The following IPO11 variants were observed in gnomAD, a reference collection of about 807,000 sequenced individuals.
IPO11 encodes importin 11.
A neutral mutation model predicts 143.2 loss-of-function variants in IPO11; 66 were observed. The ratio of observed to expected loss-of-function variants is 0.46; its 90% CI spans 0.38 to 0.57. IPO11 has a LOEUF of 0.57. IPO11 is among the 20% of genes least tolerant of loss of function. The probability of loss-of-function intolerance (pLI) is 0.00; values close to 1 mark genes in which losing one functional copy is unlikely to be tolerated. For missense variants in IPO11, 1,026 were observed against 1,141.0 expected, an observed-to-expected ratio of 0.90 and a Z score of 1.45; for synonymous variants, 385 against 377.8, an observed-to-expected ratio of 1.02 and a Z score of -0.22.
At chr5:62,508,029 C>T (rs915703950) in intron 19 of IPO11, among the ~76,000 whole-genome samples, 2 of 152,092 alleles carry the variant, frequency 1.3e-5, no homozygotes, top group Non-Finnish European at 2.9e-5. Context: ...TCTGATCAAC[C>T]CTATCATTTT....
intron 1 of IPO11, among the ~76,000 whole-genome samples, chr5:62,427,305 C>T (rs1360237256): frequency 6.6e-6 from 1 of 152,070 alleles, no homozygotes; most frequent in African/African-American, 2.4e-5. Flanking sequence ...TTTGTAGGTC[C>T]TTTGAAACTC....
intron 27 of IPO11, among the ~76,000 whole-genome samples, chr5:62,581,810 A>G (rs1248133460): frequency 6.6e-6 from 1 of 152,216 alleles, no homozygotes; most frequent in East Asian, 1.9e-4. Context: ...TGGTTACTGC[A>G]CAGTGCGATG....
intron 29 of IPO11, among the ~76,000 whole-genome samples, chr5:62,620,255 C>T (rs931944872): frequency 3.3e-5 from 5 of 152,124 alleles, no homozygotes; most frequent in African/African-American, 1.2e-4. Flanking sequence ...CGCGATGCCT[C>T]ACGCCTGTAA....
chr5:62,500,589 CT>C (rs1741314744), intron 16 of IPO11, among the ~76,000 whole-genome samples: 1 of 152,146 alleles, frequency 6.6e-6, no homozygotes, highest in Non-Finnish European at 1.5e-5. Context: ...CCTTGAATTC[CT>C]GGGCTCAAGT....
At position 62,494,178 on chromosome 5, in the gene IPO11, A is replaced by G. The variant is rs189488729; in HGVS notation, c.1590+54A>G. ...TAGTTTTTAAAGTTTCATCTGTGCA[A>G]ATCATCAAGTTCACAACAGTTTATG... On this transcript the variant is annotated intron_variant, in intron 16 of 29. Coordinates refer to ENST00000325324, the MANE Select transcript of IPO11 (RefSeq NM_016338.5). The G allele has an allele frequency of 1.1e-5, 16 of 1,505,264 alleles. No individual in the cohort carries two copies. In the African/African-American group the frequency reaches 2.2e-4, roughly 21 times the overall value. 93.2% of individuals were successfully genotyped at this position (1,505,264 alleles called of 1,614,324 possible).
rs561374215 is a variant in IPO11, at chr5:62,580,893, A to G, written c.2583-10684A>G. 141 of 1,551,398 alleles carry G rather than the reference A, an allele frequency of 9.1e-5. 1 individual carries two copies. Among genetic ancestry groups the G allele is most frequent in the Middle Eastern group, 5.0e-4 (3 of 5,992 alleles). ...AGACTACAGCAGTGTTACCTGTGCA[A>G]ATACAACTTACTACTTCTGTTACCT... On this transcript the variant is annotated intron_variant, in intron 27 of 29. Coordinates refer to ENST00000325324, the MANE Select transcript of IPO11 (RefSeq NM_016338.5).
chr5:62,567,870 T>C (rs1016535363), intron 27 of IPO11, among the ~76,000 whole-genome samples: 5 of 151,476 alleles, frequency 3.3e-5, no homozygotes, highest in African/African-American at 7.3e-5. Flanking sequence ...CTACATTTGC[T>C]CTTTTGATGC....
intron 27 of IPO11, chr5:62,579,847 T>C: frequency 1.3e-6 from 2 of 1,548,578 alleles, no homozygotes; most frequent in Non-Finnish European, 1.7e-6. Context: ...TCTTCGTAAT[T>C]TATATTTACA....
intron 29 of IPO11, among the ~76,000 whole-genome samples, chr5:62,613,550 G>A (rs988298721): frequency 2.0e-5 from 3 of 151,812 alleles, no homozygotes; most frequent in East Asian, 1.9e-4. Flanking sequence ...CAATCGGCCC[G>A]CCTCAGCCTC....
intron 5 of IPO11, among the ~76,000 whole-genome samples, chr5:62,466,526 GAAAA>G (rs1279147462): frequency 6.6e-6 from 1 of 152,104 alleles, no homozygotes; most frequent in Non-Finnish European, 1.5e-5. Flanking sequence ...AGAACTCCTG[GAAAA>G]AATTGAAGAT....
intron 28 of IPO11, among the ~76,000 whole-genome samples, chr5:62,597,693 T>C (rs1337444724): frequency 1.3e-5 from 2 of 152,226 alleles, no homozygotes; most frequent in Non-Finnish European, 1.5e-5. Context: ...GAAGAAACTT[T>C]AGGCTAAATG....
chr5:62,450,570 CTG>C (rs1744875389), intron 4 of IPO11, among the ~76,000 whole-genome samples: 1 of 151,598 alleles, frequency 6.6e-6, no homozygotes, highest in Non-Finnish European at 1.5e-5. Context: ...GAACATATCT[CTG>C]TTGTTAAGTG....
intron 29 of IPO11, 69 bp from the exon 30 acceptor site, chr5:62,627,085 T>G: frequency 7.1e-7 from 1 of 1,398,866 alleles, no homozygotes; most frequent in South Asian, 1.5e-5. Flanking sequence ...CAAAGAACTT[T>G]TGTAAATTGC....
chr5:62,593,230 G>A (rs781760303), intron 28 of IPO11, among the ~76,000 whole-genome samples: 1 of 152,146 alleles, frequency 6.6e-6, no homozygotes, highest in Non-Finnish European at 1.5e-5. Flanking sequence ...ATAAGGGTTA[G>A]GATGTAGGAA....
At chr5:62,610,300 T>C (rs1745881217) in intron 29 of IPO11, among the ~76,000 whole-genome samples, 2 of 144,578 alleles carry the variant, frequency 1.4e-5, no homozygotes, top group South Asian at 2.1e-4. Flanking sequence ...TTTTTCTTTA[T>C]CCTTTGGCAC....
chr5:62,423,073 G>A (rs559692949), intron 1 of IPO11, among the ~76,000 whole-genome samples: 6 of 152,126 alleles, frequency 3.9e-5, no homozygotes, highest in African/African-American at 7.2e-5. Flanking sequence ...ATTAAATTTT[G>A]TTGGCTTGAT....
In IPO11 at chr5:62,470,450, G is replaced by C. The variant is rs192710289; in HGVS notation, c.708+142G>C. On this transcript the variant is annotated intron_variant, in intron 7 of 29. Coordinates refer to ENST00000325324, the MANE Select transcript of IPO11 (RefSeq NM_016338.5). ...TAGTTTTTTACCATTCTGACTTTTA[G>C]ACTTCTGGTCTGTTTTCACTACATC... 7 of 727,970 alleles carry C rather than the reference G, an allele frequency of 9.6e-6. No homozygotes were observed. In the East Asian group the frequency reaches 1.9e-4, roughly 20 times the overall value. 45.1% of individuals were successfully genotyped at this position (727,970 alleles called of 1,614,324 possible).
intron 20 of IPO11, among the ~76,000 whole-genome samples, chr5:62,517,859 A>G (rs1404534770): frequency 1.3e-5 from 2 of 152,194 alleles, no homozygotes; most frequent in Non-Finnish European, 2.9e-5. Context: ...TAATCATGAC[A>G]TTTAAGTACC....
chr5:62,626,869 T>C (rs929625707), intron 29 of IPO11, among the ~76,000 whole-genome samples: 1 of 152,194 alleles, frequency 6.6e-6, no homozygotes, highest in Admixed American at 6.5e-5. Flanking sequence ...TAGAATGCTT[T>C]CTACTAGGCT....
Sources: gnomAD v4.1 joint callset for allele counts (sites outside exome capture counted in the v4.1 genomes callset) on GRCh38, gnomAD v4.1.1 for gene constraint, MANE v1.5 for transcripts, NCBI Gene and HGNC (gene_info 2026-07-23, HGNC 2026-07-21) for gene names.